CDH20: variants seen among roughly 807,000 people sequenced by gnomAD.
CDH20 encodes cadherin 20, also known as cadherin-20.
A neutral mutation model predicts 74.2 loss-of-function variants in CDH20; 29 were observed. The ratio of observed to expected loss-of-function variants is 0.39; its 90% CI spans 0.29 to 0.53. CDH20 has a LOEUF of 0.53. Among genes scored for constraint, CDH20 ranks in the 20% least tolerant of loss-of-function variants. The pLI is 0.69. For missense variants in CDH20, 988 were observed against 1,048.3 expected (o/e 0.94, Z 0.79); for synonymous variants, 469 against 405.4 (o/e 1.16, Z -1.88).
intron 1 of CDH20, among the ~76,000 whole-genome samples, chr18:61,476,976 TGA>T (rs1250940598): frequency 3.9e-5 from 6 of 152,306 alleles, no homozygotes; most frequent in African/African-American, 1.2e-4. Flanking sequence ...CGGAATGTAC[TGA>T]GAGTCCTCAT....
At chr18:61,438,142 T>C (rs75427823) in intron 1 of CDH20, among the ~76,000 whole-genome samples, 1,909 of 152,270 alleles carry the variant, frequency 0.013, 20 homozygotes, top group Middle Eastern at 0.048. Context: ...AGTTTCCACC[T>C]ATGGCTAGTC....
intron 1 of CDH20, among the ~76,000 whole-genome samples, chr18:61,352,726 C>G (rs1436064480): frequency 6.6e-6 from 1 of 152,186 alleles, no homozygotes; most frequent in Admixed American, 6.6e-5. Context: ...GTAACTCTGA[C>G]TCCTCCCTTT....
At chr18:61,515,290 T>G (rs566464861) in intron 6 of CDH20, among the ~76,000 whole-genome samples, 1 of 152,226 alleles carries the variant, frequency 6.6e-6, no homozygotes, top group African/African-American at 2.4e-5. Flanking sequence ...CCCCTTTCTT[T>G]GACTCGGAAA....
intron 8 of CDH20, among the ~76,000 whole-genome samples, chr18:61,538,754 G>A (rs1445126483): frequency 1.3e-5 from 2 of 151,210 alleles, no homozygotes; most frequent in Non-Finnish European, 3.0e-5. Context: ...AAGTAGCTGG[G>A]ACTACAGGCG....
intron 1 of CDH20, among the ~76,000 whole-genome samples, chr18:61,359,350 T>C (rs1910609253): frequency 6.6e-6 from 1 of 150,608 alleles, no homozygotes; most frequent in Non-Finnish European, 1.5e-5. Context: ...TCATTTGTTC[T>C]GCTGCAGGGA....
At chr18:61,495,623 A>G (rs1374721769) in intron 2 of CDH20, among the ~76,000 whole-genome samples, 1 of 152,106 alleles carries the variant, frequency 6.6e-6, no homozygotes, top group Non-Finnish European at 1.5e-5. Context: ...GCCCCAGCCC[A>G]AGGAGCAGCA....
In CDH20 at chr18:61,545,070, A is replaced by G. The variant is rs1297769394; in HGVS notation, c.1574A>G (p.Asn525Ser). 1.9e-6 allele frequency: 3 copies of G among 1,613,984 alleles called. No individual in the cohort carries two copies. The Admixed American group carries it at 5.0e-5, about 27-fold the overall frequency. ...VSAVDQDDPRNGQHFYYSLAP... is the reference protein window; with the variant it reads ...VSAVDQDDPRSGQHFYYSLAP... ...GCGGTGGACCAAGATGACCCACGCAATGGTCAGCATTTCTACTACAGCTTG... is the reference window on the plus strand; with the variant it reads ...GCGGTGGACCAAGATGACCCACGCAGTGGTCAGCATTTCTACTACAGCTTG... Residue 525 changes from asparagine to serine, a missense_variant, in exon 10 of 12, where the codon AAT (asparagine) becomes AGT (serine). Physicochemically the swap from Asn to Ser is conservative, Grantham distance 46. Around this residue, in one of 2 missense-constraint regions of CDH20, gnomAD observed 613 missense variants for 755.2 expected, o/e 0.81. Transcript: ENST00000262717.
At chr18:61,368,457 C>A (rs959083706) in intron 1 of CDH20, among the ~76,000 whole-genome samples, 5 of 151,522 alleles carry the variant, frequency 3.3e-5, no homozygotes, top group African/African-American at 1.2e-4. Flanking sequence ...GCAACAACTA[C>A]TAAATGTAAC....
chr18:61,543,400 G>A (rs1259936534), intron 9 of CDH20, among the ~76,000 whole-genome samples: 1 of 152,182 alleles, frequency 6.6e-6, no homozygotes, highest in East Asian at 1.9e-4. Flanking sequence ...TTGCTTGGTA[G>A]AAGAGGAAAC....
intron 1 of CDH20, among the ~76,000 whole-genome samples, chr18:61,420,872 G>A (rs1243342838): frequency 6.6e-6 from 1 of 152,092 alleles, no homozygotes; most frequent in Non-Finnish European, 1.5e-5. Context: ...TGGCCAACAT[G>A]GCAAAACCCT....
chr18:61,362,071 G>C (rs1910710768), intron 1 of CDH20, among the ~76,000 whole-genome samples: 1 of 152,142 alleles, frequency 6.6e-6, no homozygotes, highest in Non-Finnish European at 1.5e-5. Flanking sequence ...GCAAGTCTGA[G>C]GCAGATGGAG....
intron 6 of CDH20, 30 bp from the exon 7 acceptor site, chr18:61,527,937 C>A: frequency 6.2e-7 from 1 of 1,611,340 alleles, no homozygotes; most frequent in Non-Finnish European, 8.5e-7. Flanking sequence ...ACCTCAGTGG[C>A]GAATCAATTT....
rs139599039 is a variant in CDH20, at chr18:61,446,426, G to A, written c.-152-43976G>A. Among the ~76,000 whole-genome samples, 201 of 152,120 alleles carry A rather than the reference G, an allele frequency of 1.3e-3. 1 individual carries two copies. Among genetic ancestry groups the A allele is most frequent in the African/African-American group, 4.4e-3 (184 of 41,514 alleles). On this transcript the variant is annotated intron_variant, in intron 1 of 11. Transcript: ENST00000262717. ...CTTGCTTCTGAACATGACCTTCTCCGCCAAGAACTTGAATCTTTTTCTCCA... is the reference window on the plus strand; with the variant it reads ...CTTGCTTCTGAACATGACCTTCTCCACCAAGAACTTGAATCTTTTTCTCCA...
At chr18:61,424,583 A>T (rs1438478173) in intron 1 of CDH20, among the ~76,000 whole-genome samples, 1 of 152,232 alleles carries the variant, frequency 6.6e-6, no homozygotes, top group Non-Finnish European at 1.5e-5. Context: ...ATCCATCTAG[A>T]ATTTGTATGT....
At chr18:61,491,892 G>C (rs950253406) in intron 2 of CDH20, among the ~76,000 whole-genome samples, 2 of 151,716 alleles carry the variant, frequency 1.3e-5, no homozygotes, top group African/African-American at 4.8e-5. Context: ...TTTTTTCTCA[G>C]CCGCGTTTGT....
chr18:61,539,503 C>T (rs948363890), intron 9 of CDH20, among the ~76,000 whole-genome samples: 3 of 152,086 alleles, frequency 2.0e-5, no homozygotes, highest in African/African-American at 7.2e-5. Flanking sequence ...CTAAACAGCA[C>T]TTTGAGGGTG....
At chr18:61,455,811 A>G (rs535086124) in intron 1 of CDH20, among the ~76,000 whole-genome samples, 78 of 152,348 alleles carry the variant, frequency 5.1e-4, no homozygotes, top group African/African-American at 1.8e-3. Context: ...AACATGATTT[A>G]TCATAAAGAG....
At chr18:61,387,475 A>G (rs570269602) in intron 1 of CDH20, among the ~76,000 whole-genome samples, 17 of 152,302 alleles carry the variant, frequency 1.1e-4, no homozygotes, top group Non-Finnish European at 2.5e-4. Flanking sequence ...ACCATTTGGG[A>G]TATGTGTCAG....
intron 2 of CDH20, among the ~76,000 whole-genome samples, chr18:61,491,062 G>C (rs1017779021): frequency 6.6e-6 from 1 of 152,184 alleles, no homozygotes; most frequent in African/African-American, 2.4e-5. Context: ...GACCCTGCAA[G>C]AGCTATTCAA....
Sources: allele counts gnomAD v4.1 joint callset (sites outside exome capture counted in the v4.1 genomes callset), GRCh38; gene constraint gnomAD v4.1.1; regional missense constraint gnomAD v4.1.1; transcripts MANE v1.5; gene names NCBI Gene and HGNC (gene_info 2026-07-23, HGNC 2026-07-21).